The following STK4 variants were observed in gnomAD, a reference collection of about 807,000 sequenced individuals.
STK4 encodes serine/threonine kinase 4, also known as serine/threonine-protein kinase 4.
STK4 carries 30 observed loss-of-function variants against 64.9 expected under a neutral mutation model. That is an observed-to-expected ratio of 0.46 (90% CI 0.35 to 0.63). STK4 has a LOEUF of 0.63. Ranked by LOEUF, STK4 falls within the 20% of genes least tolerant of loss-of-function variation. The pLI, the probability that STK4 is intolerant of heterozygous loss-of-function variation, is 0.01. For missense variants in STK4, 466 were observed against 598.5 expected, an observed-to-expected ratio of 0.78 and a Z score of 2.31; for synonymous variants, 177 against 199.0, an observed-to-expected ratio of 0.89 and a Z score of 0.93.
chr20:45,056,549 A>G (rs1978497968), intron 10 of STK4, among the ~76,000 whole-genome samples: 1 of 152,216 alleles, frequency 6.6e-6, no homozygotes, highest in South Asian at 2.1e-4. Flanking sequence ...TGGACTGTAA[A>G]TATCATCCAG....
intron 10 of STK4, among the ~76,000 whole-genome samples, chr20:45,064,159 A>G (rs1355894437): frequency 6.6e-6 from 1 of 152,128 alleles, no homozygotes; most frequent in Non-Finnish European, 1.5e-5. Context: ...CAATTATCCC[A>G]GGACCATTTA....
chr20:45,058,617 A>C (rs999963197), intron 10 of STK4, among the ~76,000 whole-genome samples: 4 of 152,142 alleles, frequency 2.6e-5, no homozygotes, highest in African/African-American at 9.7e-5. Context: ...ATTTGGCAGG[A>C]AGAGAGAGAA....
chr20:44,997,439 C>G, intron 7 of STK4, 133 bp downstream of exon 7: 1 of 1,149,924 alleles, frequency 8.7e-7, no homozygotes, highest in African/African-American at 1.6e-5. Context: ...CGCCTGTAAT[C>G]GTAGCACTTT....
chr20:45,008,709 C>CT (rs940318254), intron 9 of STK4, among the ~76,000 whole-genome samples: 4 of 151,926 alleles, frequency 2.6e-5, no homozygotes, highest in South Asian at 2.1e-4. Context: ...GTTTTCTGAC[C>CT]TTTTTTTTAG....
intron 9 of STK4, among the ~76,000 whole-genome samples, chr20:45,009,825 T>G (rs1270749318): frequency 6.6e-6 from 1 of 152,186 alleles, no homozygotes; most frequent in Non-Finnish European, 1.5e-5. Flanking sequence ...GATTTCACTC[T>G]CAGCCTGGCC....
In STK4 at chr20:44,966,520, C is replaced by T. The variant is rs1401911636; in HGVS notation, c.-49C>T. 2 of 1,253,098 alleles carry T rather than the reference C, an allele frequency of 1.6e-6. No individual in the cohort carries two copies. The highest frequency in any genetic ancestry group is 2.0e-6 in the Non-Finnish European group (2 of 989,970). 77.6% of individuals were successfully genotyped at this position (1,253,098 alleles called of 1,614,324 possible). Reference sequence around the variant, plus strand: ...GTCTGCGGGGCGGGCTCAGGAGGTCCGCGGGAGGATGGAGCAGTGAGCGGG... The same window carrying T: ...GTCTGCGGGGCGGGCTCAGGAGGTCTGCGGGAGGATGGAGCAGTGAGCGGG... On this transcript the variant is annotated 5_prime_UTR_variant, in exon 1 of 11. Transcript: ENST00000372806.
intron 9 of STK4, among the ~76,000 whole-genome samples, chr20:45,014,727 C>T (rs1013111255): frequency 6.6e-6 from 1 of 152,124 alleles, no homozygotes; most frequent in Non-Finnish European, 1.5e-5. Flanking sequence ...GCGGTTCTTC[C>T]TCTCAGGATT....
intron 10 of STK4, among the ~76,000 whole-genome samples, chr20:45,060,444 G>A (rs1376446011): frequency 6.6e-6 from 1 of 151,856 alleles, no homozygotes; most frequent in Admixed American, 6.5e-5. Context: ...CTATAAATGT[G>A]TGACGAGATA....
intron 10 of STK4, among the ~76,000 whole-genome samples, chr20:45,033,218 A>G (rs2068473574): frequency 6.6e-6 from 1 of 152,072 alleles, no homozygotes; most frequent in Non-Finnish European, 1.5e-5. Flanking sequence ...CCCATTTTGT[A>G]GGTTGTCTGT....
chr20:44,981,760 A>G (rs2067443768), intron 3 of STK4, 69 bp from the exon 4 acceptor site: 1 of 916,524 alleles, frequency 1.1e-6, no homozygotes, highest in African/African-American at 1.6e-5. Context: ...ATTTGTATAT[A>G]CTTGCTAGCA....
At chr20:44,967,103 CGAGGAAAGGTTGAGGGTCTAGCAAGG>C in intron 1 of STK4, 1 of 975,960 alleles carries the variant, frequency 1.0e-6, no homozygotes, top group Non-Finnish European at 1.2e-6. Context: ...TGAAAGCATG[CGAGGAAAGGTTGAGGGTCTAGCAAGG>C]GAGGGGATGG....
chr20:45,001,730 C>T (rs1479552653), intron 9 of STK4, among the ~76,000 whole-genome samples: 2 of 152,192 alleles, frequency 1.3e-5, no homozygotes, highest in South Asian at 2.1e-4. Flanking sequence ...CATACATCTT[C>T]AGTTTATTTT....
At chr20:45,052,146 G>A (rs536175215) in intron 10 of STK4, among the ~76,000 whole-genome samples, 1 of 151,964 alleles carries the variant, frequency 6.6e-6, no homozygotes, top group East Asian at 1.9e-4. Context: ...TTCTTTTTTG[G>A]TGTTGGTTTG....
At chr20:45,011,730 T>TATATATA (rs1555813605) in intron 9 of STK4, among the ~76,000 whole-genome samples, 928 of 83,508 alleles carry the variant, frequency 0.011, 7 homozygotes, top group Non-Finnish European at 0.016. Flanking sequence ...TATATATATA[T>TATATATA]TTTTTTTTTT....
At position 45,078,188 on chromosome 20, in the gene STK4, A is replaced by C. The variant is rs1185337695; in HGVS notation, c.*3012A>C. 6.7e-6 allele frequency: 1 copy of C among 150,150 alleles called. No individual in the cohort carries two copies. Among genetic ancestry groups the C allele is most frequent in the African/African-American group, 2.4e-5 (1 of 40,836 alleles). 9.3% of individuals were successfully genotyped at this position (150,150 alleles called of 1,614,324 possible). On this transcript the variant is annotated 3_prime_UTR_variant, in exon 11 of 11. Transcript: ENST00000372806. ...TTCTGTCTTTAAAAAAAAAAATCTC[A>C]GAATTCTTTTTTTGTTTGTGTTTTT...
At chr20:44,994,989 G>C (rs2067700742) in intron 5 of STK4, 101 bp from the exon 6 acceptor site, 1 of 1,028,194 alleles carries the variant, frequency 9.7e-7, no homozygotes, top group African/African-American at 1.7e-5. Context: ...CTTTTTCTCA[G>C]TAGTTTTTTT....
rs374272312 is a variant in STK4, at chr20:45,060,587, A to G, written c.1306-14431A>G. Among the ~76,000 whole-genome samples the G allele has an allele frequency of 2.1e-4, 32 of 152,174 alleles. 1 individual carries two copies. The highest frequency in any genetic ancestry group is 7.7e-4 in the African/African-American group (32 of 41,538). On this transcript the variant is annotated intron_variant, in intron 10 of 10. Coordinates refer to ENST00000372806, the MANE Select transcript of STK4 (RefSeq NM_006282.5). Reference sequence around the variant, plus strand: ...CTAAGGTTCCTATCCTAATTCAACCACTTACAACCTCTGGGACCAGAGGCA... The same window carrying G: ...CTAAGGTTCCTATCCTAATTCAACCGCTTACAACCTCTGGGACCAGAGGCA...
At chr20:45,029,015 C>T (rs1429259091) in intron 10 of STK4, among the ~76,000 whole-genome samples, 1 of 152,164 alleles carries the variant, frequency 6.6e-6, no homozygotes, top group Non-Finnish European at 1.5e-5. Context: ...AATCTGAGGT[C>T]ATAAACTGGC....
intron 10 of STK4, among the ~76,000 whole-genome samples, chr20:45,049,151 T>G (rs1215299361): frequency 6.6e-6 from 1 of 152,028 alleles, no homozygotes; most frequent in Admixed American, 6.6e-5. Flanking sequence ...TCAAGCAGAG[T>G]TCACATTGCA....
Sources: allele counts gnomAD v4.1 joint callset (sites outside exome capture counted in the v4.1 genomes callset), GRCh38; gene constraint gnomAD v4.1.1; transcripts MANE v1.5; gene names NCBI Gene and HGNC (gene_info 2026-07-23, HGNC 2026-07-21).